The following LEPR variants were observed in gnomAD, a reference collection of about 807,000 sequenced individuals.
LEPR encodes the protein OB receptor.
LEPR carries 56 observed loss-of-function variants against 114.7 expected under a neutral mutation model. The ratio of observed to expected loss-of-function variants is 0.49; its 90% CI spans 0.39 to 0.61. The LOEUF is 0.61. Among genes scored for constraint, LEPR ranks in the 20% least tolerant of loss-of-function variants. LEPR has a pLI of 0.00. For missense variants in LEPR, 1,202 were observed against 1,352.9 expected (o/e 0.89, Z 1.75); for synonymous variants, 443 against 461.4 (o/e 0.96, Z 0.51).
At chr1:65,596,405 G>A in intron 6 of LEPR, 43 bp from the exon 7 acceptor site, 1 of 1,607,654 alleles carries the variant, frequency 6.2e-7, no homozygotes, top group African/African-American at 1.3e-5. Flanking sequence ...TAATTGTCAT[G>A]AAAATTACTT....
At chr1:65,595,721 A>G (rs1656019150) in intron 6 of LEPR, among the ~76,000 whole-genome samples, 1 of 152,118 alleles carries the variant, frequency 6.6e-6, no homozygotes, top group East Asian at 1.9e-4. Context: ...AATTCCTGTT[A>G]ATTGTAAAAA....
intron 2 of LEPR, among the ~76,000 whole-genome samples, chr1:65,513,263 C>T (rs769681023): frequency 1.3e-5 from 2 of 152,158 alleles, no homozygotes; most frequent in Non-Finnish European, 2.9e-5. Context: ...GGAACAGTTT[C>T]TCTGCCAAAA....
chr1:65,533,997 A>G (rs1003643513), intron 2 of LEPR, among the ~76,000 whole-genome samples: 3 of 152,106 alleles, frequency 2.0e-5, no homozygotes, highest in African/African-American at 4.8e-5. Flanking sequence ...TTCTGCATTC[A>G]ACCTTTCTAT....
At chr1:65,574,049 T>C (rs773346869) in intron 5 of LEPR, among the ~76,000 whole-genome samples, 1 of 152,280 alleles carries the variant, frequency 6.6e-6, no homozygotes, top group East Asian at 1.9e-4. Flanking sequence ...TCAGTTTAAG[T>C]GGTTACCGAT....
At chr1:65,529,671 G>A (rs1467695682) in intron 2 of LEPR, among the ~76,000 whole-genome samples, 2 of 151,994 alleles carry the variant, frequency 1.3e-5, no homozygotes, top group Non-Finnish European at 2.9e-5. Flanking sequence ...CTAAAACTAC[G>A]TCAAGGTCTA....
Position 65,636,661 on chromosome 1 carries a change from A to G in LEPR, c.3144A>G (p.Ser1048=), listed in dbSNP as rs570814196. Residue 1048 remains serine (S), a synonymous_variant, in exon 20 of 20, where the codon TCA becomes TCG. Transcript: ENST00000349533. The stretch of plus-strand genomic sequence containing the variant: ...CAGATCAGCATCCCAACATAATTTC[A>G]CCACACCTCACATTCTCAGAAGGAT... ...ILSDQHPNII[S]PHLTFSEGLD... 2 of 1,610,064 alleles carry G rather than the reference A, an allele frequency of 1.2e-6. No individual in the cohort carries two copies. Among genetic ancestry groups the G allele is most frequent in the South Asian group, 1.1e-5 (1 of 90,602 alleles).
At chr1:65,510,973 A>C (rs1648999880) in intron 2 of LEPR, among the ~76,000 whole-genome samples, 2 of 152,188 alleles carry the variant, frequency 1.3e-5, no homozygotes, top group African/African-American at 4.8e-5. Context: ...AGACACTCCC[A>C]CTGCACCCCA....
At chr1:65,442,499 G>A (rs1646662348) in intron 2 of LEPR, among the ~76,000 whole-genome samples, 1 of 152,042 alleles carries the variant, frequency 6.6e-6, no homozygotes, top group Non-Finnish European at 1.5e-5. Flanking sequence ...CAACCACCTT[G>A]GGCACATGTT....
chr1:65,463,691 T>G (rs904789069), intron 2 of LEPR, among the ~76,000 whole-genome samples: 2 of 152,208 alleles, frequency 1.3e-5, no homozygotes, highest in African/African-American at 4.8e-5. Flanking sequence ...TGTCCTCTTT[T>G]ATTTCATTGA....
intron 2 of LEPR, among the ~76,000 whole-genome samples, chr1:65,541,747 C>T (rs1751490): frequency 0.38 from 57,646 of 151,932 alleles, 11,881 homozygotes; most frequent in East Asian, 0.89. Flanking sequence ...GAGAGATAGA[C>T]AGATGCTTCT....
chr1:65,444,058 T>C (rs1170492048), intron 2 of LEPR, among the ~76,000 whole-genome samples: 1 of 85,256 alleles, frequency 1.2e-5, no homozygotes, highest in East Asian at 2.2e-4. Flanking sequence ...CTGCACCCAC[T>C]AATGTGTCAT....
chr1:65,616,776 C>A (rs1419095540), intron 15 of LEPR, among the ~76,000 whole-genome samples: 1 of 152,038 alleles, frequency 6.6e-6, no homozygotes, highest in Non-Finnish European at 1.5e-5. Flanking sequence ...TTGAGACCCA[C>A]TTTCAATAGG....
intron 19 of LEPR, among the ~76,000 whole-genome samples, chr1:65,635,849 T>C (rs926457546): frequency 1.3e-5 from 2 of 152,156 alleles, no homozygotes; most frequent in Non-Finnish European, 2.9e-5. Context: ...TCCTGAGAGC[T>C]AAGCACTTGC....
chr1:65,462,154 C>A (rs1646954109), intron 2 of LEPR, among the ~76,000 whole-genome samples: 1 of 152,110 alleles, frequency 6.6e-6, no homozygotes, highest in African/African-American at 2.4e-5. Flanking sequence ...CTCTCCCATC[C>A]CCCCACCCGC....
intron 11 of LEPR, among the ~76,000 whole-genome samples, chr1:65,606,046 T>C (rs1656785980): frequency 6.6e-6 from 1 of 152,202 alleles, no homozygotes; most frequent in African/African-American, 2.4e-5. Context: ...AATATTAATA[T>C]ATACTATTTT....
intron 2 of LEPR, among the ~76,000 whole-genome samples, chr1:65,467,058 A>G (rs1473222161): frequency 6.6e-5 from 10 of 152,064 alleles, no homozygotes; most frequent in Admixed American, 6.6e-4. Flanking sequence ...ATTCTCGTCC[A>G]GTTCGTTTCC....
At chr1:65,446,993 G>T (rs1646721732) in intron 2 of LEPR, among the ~76,000 whole-genome samples, 1 of 151,972 alleles carries the variant, frequency 6.6e-6, no homozygotes, top group African/African-American at 2.4e-5. Context: ...CACCATGCCT[G>T]GCTAATTTTT....
chr1:65,488,100 T>C (rs1453753170), intron 2 of LEPR, among the ~76,000 whole-genome samples: 1 of 145,704 alleles, frequency 6.9e-6, no homozygotes, highest in Non-Finnish European at 1.5e-5. Context: ...TCTTTCCTTC[T>C]TTCTTTCTCT....
chr1:65,451,603 T>C (rs1026630844), intron 2 of LEPR, among the ~76,000 whole-genome samples: 4 of 152,244 alleles, frequency 2.6e-5, no homozygotes, highest in African/African-American at 9.6e-5. Flanking sequence ...TGCAGCATTA[T>C]TTCTGAGGGC....
Sources: allele counts gnomAD v4.1 joint callset (sites outside exome capture counted in the v4.1 genomes callset), GRCh38; gene constraint gnomAD v4.1.1; transcripts MANE v1.5; gene names NCBI Gene and HGNC (gene_info 2026-07-23, HGNC 2026-07-21).